CIT: variants seen among roughly 807,000 people sequenced by gnomAD.
CIT encodes the protein citron rho-interacting serine/threonine kinase.
Under a neutral mutation model 272.7 loss-of-function variants are expected in CIT, and 79 were observed. The observed-to-expected ratio is 0.29, with a 90% CI of 0.24 to 0.35. The LOEUF (loss-of-function observed/expected upper bound fraction) is 0.35, where lower values mean the gene tolerates loss of function less well. Among genes scored for constraint, CIT ranks in the 10% least tolerant of loss-of-function variants. The pLI is 1.00. For missense variants in CIT, 1,909 were observed against 2,618.3 expected, an observed-to-expected ratio of 0.73 and a Z score of 5.91; for synonymous variants, 948 against 995.6, an observed-to-expected ratio of 0.95 and a Z score of 0.90.
At chr12:119,797,786 T>C (rs868416799) in intron 10 of CIT, among the ~76,000 whole-genome samples, 3 of 152,144 alleles carry the variant, frequency 2.0e-5, no homozygotes, top group Non-Finnish European at 4.4e-5. Flanking sequence ...ACAGGACTGA[T>C]TGGAGAGTTC....
chr12:119,836,661 C>T (rs954639213), intron 5 of CIT, among the ~76,000 whole-genome samples: 5 of 152,060 alleles, frequency 3.3e-5, no homozygotes, highest in African/African-American at 9.7e-5. Context: ...TATGACGACA[C>T]GCCACAGTTA....
At chr12:119,719,611 T>G (rs890568781) in intron 30 of CIT, among the ~76,000 whole-genome samples, 1 of 152,192 alleles carries the variant, frequency 6.6e-6, no homozygotes, top group Non-Finnish European at 1.5e-5. Flanking sequence ...GTTGTGCTCA[T>G]GCCCTTACAG....
rs1958683471 is a variant in CIT at position 119,735,172 on chromosome 12, G to A, written c.3144C>T (p.Thr1048=). Residue 1048 remains threonine (T), a synonymous_variant, in exon 25 of 48, where the codon ACC becomes ACT. Coordinates refer to ENST00000392521, the MANE Select transcript of CIT (RefSeq NM_001206999.2). ...REITEREMQL[T]SQKQTMEALK... is the part of the protein sequence containing the mutation. ...TAACCCTCCTTACTTGCTTCTGGCTGGTAAGCTGCATCTCTCGTTCCGTGA... is the reference window on the plus strand; with the variant it reads ...TAACCCTCCTTACTTGCTTCTGGCTAGTAAGCTGCATCTCTCGTTCCGTGA... 2 of 1,613,820 alleles carry A rather than the reference G, an allele frequency of 1.2e-6. No homozygotes were observed. The highest frequency in any genetic ancestry group is 1.1e-5 in the South Asian group (1 of 91,082).
At position 119,784,851 on chromosome 12, in the gene CIT, C is replaced by A; in HGVS notation, c.1401+109G>T. The A allele has an allele frequency of 6.7e-7, 1 of 1,503,396 alleles. No homozygotes were observed. The highest frequency in any genetic ancestry group is 8.9e-7 in the Non-Finnish European group (1 of 1,126,718). The allele number at this position is 1,503,396 out of a possible 1,614,324, so 93.1% of individuals were successfully genotyped here. ...AGCGAAGGCAGGAGCGCCTCACTCT[C>A]TACGGATCAGGCGGCTCAGAGCCAG... On this transcript the variant is annotated intron_variant, in intron 11 of 47. Coordinates refer to ENST00000392521, the MANE Select transcript of CIT (RefSeq NM_001206999.2). The surrounding 1 kb of genome is among the most constrained non-coding windows in gnomAD (Gnocchi z 4.7).
At chr12:119,762,970 C>T (rs1961996335) in intron 19 of CIT, among the ~76,000 whole-genome samples, 1 of 152,148 alleles carries the variant, frequency 6.6e-6, no homozygotes, top group Non-Finnish European at 1.5e-5. Flanking sequence ...TGCTTGAGCC[C>T]AGGAGTTCGA....
At chr12:119,743,822 T>C (rs1219298258) in intron 23 of CIT, among the ~76,000 whole-genome samples, 1 of 151,984 alleles carries the variant, frequency 6.6e-6, no homozygotes, top group East Asian at 1.9e-4. Context: ...GCAAGTAAAA[T>C]GTATTCTGTG....
At chr12:119,796,379 T>C (rs1047464873) in intron 10 of CIT, among the ~76,000 whole-genome samples, 1 of 151,958 alleles carries the variant, frequency 6.6e-6, no homozygotes, top group Non-Finnish European at 1.5e-5. Context: ...GGAAGAAAGA[T>C]GGGTATGGAT....
At position 119,710,852 on chromosome 12, in the gene CIT, T is replaced by G; in HGVS notation, c.4855-232A>C. ...TGTTAATTAGCATCTGAGTTATAAT[T>G]TGGCTGGGATGCAGAAATAAGGGAG... is the stretch of plus-strand genomic sequence containing the variant. On this transcript the variant is annotated intron_variant, in intron 37 of 47. Transcript: ENST00000392521. The surrounding 1 kb of genome is among the most constrained non-coding windows in gnomAD (Gnocchi z 5.6). 1 of 623,932 alleles carries G rather than the reference T, an allele frequency of 1.6e-6. No individual in the cohort carries two copies. The highest frequency in any genetic ancestry group is 2.7e-6 in the Non-Finnish European group (1 of 367,796). The allele number at this position is 623,932 out of a possible 1,614,324, so 38.6% of individuals were successfully genotyped here.
chr12:119,716,878 C>T (rs1348356502), intron 32 of CIT, among the ~76,000 whole-genome samples: 3 of 152,204 alleles, frequency 2.0e-5, no homozygotes, highest in Non-Finnish European at 2.9e-5. Flanking sequence ...AGGTGAATTG[C>T]ATGCTCACAC....
intron 28 of CIT, among the ~76,000 whole-genome samples, chr12:119,723,078 A>C (rs78978668): frequency 3.1e-4 from 8 of 25,598 alleles, no homozygotes; most frequent in Non-Finnish European, 4.8e-4. Context: ...ACGAAAATTT[A>C]AAAAAAAAAT....
At position 119,740,626 on chromosome 12, in the gene CIT, A is replaced by G. The variant is rs571777317; in HGVS notation, c.2958+1785T>C. 3.9e-5 allele frequency among the ~76,000 whole-genome samples: 6 copies of G among 152,326 alleles called. No individual in the cohort carries two copies. The East Asian group carries it at 1.2e-3, about 29-fold the overall frequency. On this transcript the variant is annotated intron_variant, in intron 24 of 47. Coordinates refer to ENST00000392521, the MANE Select transcript of CIT (RefSeq NM_001206999.2). ...ATGAATGGAACAGGATTACTAATGC[A>G]CACATTTTTTAAAATCCAAGCTTAT... is the stretch of plus-strand genomic sequence containing the variant.
At chr12:119,809,664 T>G (rs1566075760) in intron 9 of CIT, among the ~76,000 whole-genome samples, 1 of 152,192 alleles carries the variant, frequency 6.6e-6, no homozygotes, top group Admixed American at 6.5e-5. Context: ...ATAAAGAAAT[T>G]TCCTCTGCCT....
At chr12:119,815,575 G>A (rs751840802) in intron 9 of CIT, among the ~76,000 whole-genome samples, 5 of 151,900 alleles carry the variant, frequency 3.3e-5, no homozygotes, top group Admixed American at 1.3e-4. Flanking sequence ...GCATAGTGGC[G>A]CATGCCTGTA....
intron 2 of CIT, among the ~76,000 whole-genome samples, chr12:119,871,159 G>C (rs1950666537): frequency 6.6e-6 from 1 of 150,630 alleles, no homozygotes; most frequent in South Asian, 2.1e-4. Flanking sequence ...CTATACTACT[G>C]AAAGACCTCA....
chr12:119,709,889 A>C (rs1957077994), intron 39 of CIT, among the ~76,000 whole-genome samples: 2 of 151,652 alleles, frequency 1.3e-5, no homozygotes, highest in South Asian at 4.2e-4. Flanking sequence ...TGGTGACTTG[A>C]GAGAGATCAC....
At chr12:119,799,384 T>C (rs1005085910) in intron 10 of CIT, among the ~76,000 whole-genome samples, 2 of 152,212 alleles carry the variant, frequency 1.3e-5, no homozygotes, top group Non-Finnish European at 2.9e-5. Flanking sequence ...CACTTCGCAG[T>C]TGAAGAAACT....
intron 10 of CIT, among the ~76,000 whole-genome samples, chr12:119,800,817 A>G (rs1236055851): frequency 6.6e-6 from 1 of 152,226 alleles, no homozygotes; most frequent in African/African-American, 2.4e-5. Context: ...AGGAGCTGCT[A>G]AGTAATTTCA....
intron 32 of CIT, among the ~76,000 whole-genome samples, chr12:119,716,926 G>C (rs1957520961): frequency 6.6e-6 from 1 of 152,216 alleles, no homozygotes; most frequent in Non-Finnish European, 1.5e-5. Context: ...GAATGGGGTA[G>C]GTCCTTATGT....
intron 19 of CIT, among the ~76,000 whole-genome samples, chr12:119,761,727 A>C (rs1961825839): frequency 6.6e-6 from 1 of 152,190 alleles, no homozygotes; most frequent in South Asian, 2.1e-4. Flanking sequence ...GGAGAAAAAA[A>C]AGTCACTGGG....
Sources: allele counts gnomAD v4.1 joint callset (sites outside exome capture counted in the v4.1 genomes callset), GRCh38; gene constraint gnomAD v4.1.1; non-coding constraint Gnocchi (gnomAD v3.1); transcripts MANE v1.5; gene names NCBI Gene and HGNC (gene_info 2026-07-23, HGNC 2026-07-21).